Variants in ATP8A1 observed in about 807,000 individuals in gnomAD.
ATP8A1 encodes the protein ATPase phospholipid transporting 8A1, also known as phospholipid-transporting ATPase IA.
A neutral mutation model predicts 177.7 loss-of-function variants in ATP8A1; 90 were observed. The observed-to-expected ratio is 0.51, with a 90% CI of 0.43 to 0.60. The LOEUF (loss-of-function observed/expected upper bound fraction) is 0.60, where lower values mean the gene tolerates loss of function less well. Among genes scored for constraint, ATP8A1 ranks in the 20% least tolerant of loss-of-function variants. The pLI, the probability that ATP8A1 is intolerant of heterozygous loss-of-function variation, is 0.00. For synonymous variants in ATP8A1, 493 were observed against 485.9 expected, an observed-to-expected ratio of 1.01 and a Z score of -0.19; for missense variants, 1,072 against 1,392.8, an observed-to-expected ratio of 0.77 and a Z score of 3.67.
intron 19 of ATP8A1, among the ~76,000 whole-genome samples, chr4:42,547,558 G>T (rs913748067): frequency 6.6e-6 from 1 of 152,030 alleles, no homozygotes; most frequent in Non-Finnish European, 1.5e-5. Context: ...TATCTAAATG[G>T]CAATTAATAG....
At chr4:42,484,555 A>G (rs966471342) in intron 25 of ATP8A1, among the ~76,000 whole-genome samples, 1 of 152,210 alleles carries the variant, frequency 6.6e-6, no homozygotes, top group Non-Finnish European at 1.5e-5. Flanking sequence ...AATACCATAT[A>G]CAAAATATTT....
chr4:42,501,179 G>A (rs1723816808), intron 24 of ATP8A1, among the ~76,000 whole-genome samples: 2 of 152,148 alleles, frequency 1.3e-5, no homozygotes, highest in East Asian at 3.9e-4. Context: ...CCACCTTAGG[G>A]AAAAAAGTAA....
chr4:42,444,494 G>A, intron 32 of ATP8A1, 84 bp downstream of exon 32: 1 of 1,330,152 alleles, frequency 7.5e-7, no homozygotes, highest in Non-Finnish European at 1.1e-6. Context: ...GACATATCAA[G>A]TTAGAGTGAA....
chr4:42,609,947 C>T (rs528558574), intron 5 of ATP8A1, among the ~76,000 whole-genome samples: 114 of 152,240 alleles, frequency 7.5e-4, no homozygotes, highest in Middle Eastern at 6.8e-3. Flanking sequence ...TGTTTCATGA[C>T]ATGGATTCTA....
intron 1 of ATP8A1, among the ~76,000 whole-genome samples, chr4:42,643,126 G>A: frequency 6.6e-6 from 1 of 152,148 alleles, no homozygotes; most frequent in Non-Finnish European, 1.5e-5. Context: ...AAAAAGTCCT[G>A]GCAATGTAAT....
chr4:42,636,119 T>TACACACACACAC (rs544619447), intron 1 of ATP8A1, among the ~76,000 whole-genome samples: 2 of 79,048 alleles, frequency 2.5e-5, no homozygotes, highest in South Asian at 4.7e-4. Context: ...ATGGGCTTAA[T>TACACACACACAC]ACACACACAC....
chr4:42,446,191 C>T (rs759807106), intron 31 of ATP8A1, among the ~76,000 whole-genome samples: 5 of 151,822 alleles, frequency 3.3e-5, no homozygotes, highest in East Asian at 1.9e-4. Context: ...CCATGACATA[C>T]GCTCTGATCT....
intron 35 of ATP8A1, among the ~76,000 whole-genome samples, chr4:42,422,365 C>A (rs1374979237): frequency 6.6e-6 from 1 of 152,208 alleles, no homozygotes; most frequent in Non-Finnish European, 1.5e-5. Context: ...GCTGGGATTA[C>A]AAGTGTGAGC....
chr4:42,559,901 T>C (rs905103479), intron 15 of ATP8A1, among the ~76,000 whole-genome samples: 1 of 152,236 alleles, frequency 6.6e-6, no homozygotes, highest in Non-Finnish European at 1.5e-5. Flanking sequence ...AGACAAGGTT[T>C]TGCCATGTTG....
intron 1 of ATP8A1, among the ~76,000 whole-genome samples, chr4:42,652,312 G>A (rs1023929733): frequency 1.8e-4 from 27 of 152,136 alleles, no homozygotes; most frequent in African/African-American, 2.2e-4. Context: ...TTAAGAATGC[G>A]AATCCCCAAG....
In ATP8A1 at chr4:42,579,962, G is replaced by A; in HGVS notation, c.851C>T (p.Pro284Leu). ...CCGTTCCACATTTGAGAGCTTAAGT[G>A]GTGGACTTGTTGAATTCTGTAAAAA... ...TKLMQNSTSPPLKLSNVERIT... is the reference protein window; with the variant it reads ...TKLMQNSTSPLLKLSNVERIT... The change falls in exon 11 of 37, where the codon CCA becomes CTA. Residue 284 changes from proline to leucine, a missense_variant. Physicochemically the swap from Pro to Leu is moderately conservative, Grantham distance 98. Around this residue, in one of 5 missense-constraint regions of ATP8A1, gnomAD observed 344 missense variants for 393.5 expected, o/e 0.87. Coordinates refer to ENST00000381668, the MANE Select transcript of ATP8A1 (RefSeq NM_006095.2). The A allele has an allele frequency of 6.2e-7, 1 of 1,601,764 alleles. No homozygotes were observed. The highest frequency in any genetic ancestry group is 8.5e-7 in the Non-Finnish European group (1 of 1,174,792).
rs143513504 is a variant in ATP8A1, at chr4:42,648,279, C to T, written c.49+8546G>A. On this transcript the variant is annotated intron_variant, in intron 1 of 36. Transcript: ENST00000381668. ...GAAAAGAGCAAAGCAAATGGGACAGCTAAGAGAATATTTTTTGTTATGTTG... is the reference window on the plus strand; with the variant it reads ...GAAAAGAGCAAAGCAAATGGGACAGTTAAGAGAATATTTTTTGTTATGTTG... Among the ~76,000 whole-genome samples, 643 of 149,260 alleles carry T rather than the reference C, an allele frequency of 4.3e-3. 11 individuals are homozygous for T. The highest frequency in any genetic ancestry group is 0.021 in the Middle Eastern group (6 of 292).
In ATP8A1 at chr4:42,543,986, A is replaced by G; in HGVS notation, c.1653T>C (p.Ser551=). ...CAATCACTGACATTCTTTTCCTAGC[A>G]CTGAAAGAAAGAGGTTTTGCATAAT... The part of the protein sequence containing the change: ...YELLNVLEFT[S]ARKRMSVIVR... Residue 551 remains serine, a splice_region_variant and synonymous_variant, in exon 20 of 37, where the codon AGT becomes AGC. Coordinates refer to ENST00000381668, the MANE Select transcript of ATP8A1 (RefSeq NM_006095.2). The G allele has an allele frequency of 6.2e-7, 1 of 1,613,082 alleles. No individual in the cohort carries two copies. Among genetic ancestry groups the G allele is most frequent in the Non-Finnish European group, 8.5e-7 (1 of 1,179,424 alleles).
chr4:42,507,793 A>AC (rs1553890635), intron 22 of ATP8A1, among the ~76,000 whole-genome samples: 6 of 118,178 alleles, frequency 5.1e-5, no homozygotes, highest in South Asian at 3.3e-4. Flanking sequence ...AAAAAAAAAA[A>AC]AAAAAAAAAA....
intron 5 of ATP8A1, among the ~76,000 whole-genome samples, chr4:42,608,963 G>T (rs1307718587): frequency 6.6e-6 from 1 of 152,124 alleles, no homozygotes; most frequent in African/African-American, 2.4e-5. Context: ...CATGGCACAG[G>T]AAGAGTCTCT....
At chr4:42,520,925 T>C (rs1726056440) in intron 22 of ATP8A1, among the ~76,000 whole-genome samples, 1 of 152,132 alleles carries the variant, frequency 6.6e-6, no homozygotes, top group Non-Finnish European at 1.5e-5. Flanking sequence ...TCGAGTTGCA[T>C]ATGGTAACCT....
rs73810723 is a variant in ATP8A1 at position 42,585,287 on chromosome 4, T to G, written c.722+1062A>C. Among the ~76,000 whole-genome samples the G allele has an allele frequency of 5.5e-3, 843 of 152,110 alleles. 9 individuals are homozygous for G. The highest frequency in any genetic ancestry group is 0.02 in the African/African-American group (811 of 41,496). On this transcript the variant is annotated intron_variant, in intron 9 of 36. Coordinates refer to ENST00000381668, the MANE Select transcript of ATP8A1 (RefSeq NM_006095.2). ...TTGTTTTCCCAAAGCATTTATCACT[T>G]TCTAACATAGTATAAACTTCTTATT...
intron 5 of ATP8A1, among the ~76,000 whole-genome samples, chr4:42,605,025 A>C (rs1182680331): frequency 6.6e-6 from 1 of 152,236 alleles, no homozygotes; most frequent in African/African-American, 2.4e-5. Flanking sequence ...GGAAGAAAGA[A>C]AGACTGACTG....
At chr4:42,490,770 A>G (rs1431799105) in intron 24 of ATP8A1, among the ~76,000 whole-genome samples, 1 of 152,186 alleles carries the variant, frequency 6.6e-6, no homozygotes, top group African/African-American at 2.4e-5. Context: ...ACCAAGACAC[A>G]TTCCCTTGAC....
Sources: gnomAD v4.1 joint callset for allele counts (sites outside exome capture counted in the v4.1 genomes callset) on GRCh38, gnomAD v4.1.1 for gene constraint, gnomAD v4.1.1 regional missense constraint, MANE v1.5 for transcripts, NCBI Gene and HGNC (gene_info 2026-07-23, HGNC 2026-07-21) for gene names.